Variants in KHDRBS2 observed in about 807,000 individuals in gnomAD.
The protein encoded by KHDRBS2 is KH RNA binding domain containing, signal transduction associated 2.
A neutral mutation model predicts 44.3 loss-of-function variants in KHDRBS2; 26 were observed. The observed-to-expected ratio is 0.59, with a 90% CI of 0.43 to 0.81. The LOEUF (loss-of-function observed/expected upper bound fraction) is 0.81. KHDRBS2 is among the 40% of genes least tolerant of loss of function. KHDRBS2 has a pLI of 0.00. For synonymous variants in KHDRBS2, 194 were observed against 151.1 expected (o/e 1.28, Z -2.08); for missense variants, 476 against 433.1 (o/e 1.10, Z -0.88).
chr6:61,657,154 C>T, the KHDRBS2 span, among the ~76,000 whole-genome samples: 1 of 151,948 alleles, frequency 6.6e-6, no homozygotes, highest in East Asian at 1.9e-4. Context: ...TGTCCCTTTC[C>T]TGATACCAAA....
intron 3 of KHDRBS2, among the ~76,000 whole-genome samples, chr6:61,990,679 C>A (rs1775961044): frequency 6.6e-6 from 1 of 151,578 alleles, no homozygotes; most frequent in Non-Finnish European, 1.5e-5. Flanking sequence ...TTTTGTACTT[C>A]AGAAACAGTA....
chr6:61,645,064 C>G, the KHDRBS2 span, among the ~76,000 whole-genome samples: 1 of 152,062 alleles, frequency 6.6e-6, no homozygotes, highest in Non-Finnish European at 1.5e-5. Context: ...TGGAATCAAC[C>G]TAAATGCCCA....
chr6:61,769,156 T>G (rs1011111676), intron 6 of KHDRBS2, among the ~76,000 whole-genome samples: 2 of 152,180 alleles, frequency 1.3e-5, no homozygotes, highest in Non-Finnish European at 2.9e-5. Context: ...AAAATATTTA[T>G]GATTAAAAAA....
chr6:61,890,318 A>T (rs1801624424), intron 6 of KHDRBS2, among the ~76,000 whole-genome samples: 1 of 152,194 alleles, frequency 6.6e-6, no homozygotes, highest in African/African-American at 2.4e-5. Flanking sequence ...ATCTTTTCTA[A>T]GGAACATACT....
At chr6:61,746,977 C>T (rs181624168) in intron 6 of KHDRBS2, among the ~76,000 whole-genome samples, 1 of 151,242 alleles carries the variant, frequency 6.6e-6, no homozygotes, top group Admixed American at 6.6e-5. Context: ...GCAATCTACC[C>T]ATCTGACAAA....
At chr6:61,958,255 C>A (rs1233607939) in intron 4 of KHDRBS2, among the ~76,000 whole-genome samples, 1 of 152,128 alleles carries the variant, frequency 6.6e-6, no homozygotes, top group African/African-American at 2.4e-5. Context: ...AGCCTGGCTT[C>A]TTTGCAGTCC....
At chr6:62,049,007 C>T (rs1430281650) in intron 2 of KHDRBS2, among the ~76,000 whole-genome samples, 1 of 151,170 alleles carries the variant, frequency 6.6e-6, no homozygotes, top group African/African-American at 2.4e-5. Flanking sequence ...TTCTTTCTGC[C>T]ATAATCCCTC....
intron 2 of KHDRBS2, among the ~76,000 whole-genome samples, chr6:62,093,125 A>G (rs116060391): frequency 1.3e-5 from 2 of 151,972 alleles, no homozygotes; most frequent in Admixed American, 1.3e-4. Context: ...TTAATTAGGC[A>G]TAAACTCATT....
intron 6 of KHDRBS2, among the ~76,000 whole-genome samples, chr6:61,785,231 G>A (rs1169736078): frequency 6.6e-6 from 1 of 151,676 alleles, no homozygotes; most frequent in Non-Finnish European, 1.5e-5. Flanking sequence ...GTGCAAACAT[G>A]CTACTCAGAA....
At chr6:62,261,635 T>G (rs368625080) in intron 1 of KHDRBS2, among the ~76,000 whole-genome samples, 1 of 151,840 alleles carries the variant, frequency 6.6e-6, no homozygotes, top group Non-Finnish European at 1.5e-5. Context: ...GTAATGTCTT[T>G]TGTTACCATT....
intron 2 of KHDRBS2, among the ~76,000 whole-genome samples, chr6:62,130,686 T>C (rs150667115): frequency 1.3e-5 from 2 of 152,148 alleles, no homozygotes; most frequent in South Asian, 2.1e-4. Flanking sequence ...AAATATTAAG[T>C]AGAAAGTGTT....
At chr6:62,118,004 TACC>T (rs2150080140) in intron 2 of KHDRBS2, among the ~76,000 whole-genome samples, 1 of 152,196 alleles carries the variant, frequency 6.6e-6, no homozygotes, top group Non-Finnish European at 1.5e-5. Flanking sequence ...TTGAACTCCT[TACC>T]ACAAGTGATC....
At chr6:61,864,774 G>T (rs935962097) in intron 6 of KHDRBS2, among the ~76,000 whole-genome samples, 2 of 152,032 alleles carry the variant, frequency 1.3e-5, no homozygotes, top group African/African-American at 4.8e-5. Flanking sequence ...ATCCTACTGG[G>T]GTTCTCTGCA....
chr6:61,955,214 ATATGTGTATATATACACATACGTATG>A (rs1219049964), intron 4 of KHDRBS2, among the ~76,000 whole-genome samples: 2 of 145,292 alleles, frequency 1.4e-5, no homozygotes, highest in African/African-American at 5.0e-5. Flanking sequence ...ATATGTATAC[ATATGTGTATATATACACATACGTATG>A]TATGTATACA....
chr6:61,597,370 T>C, the KHDRBS2 span, among the ~76,000 whole-genome samples: 31 of 152,176 alleles, frequency 2.0e-4, no homozygotes, highest in East Asian at 5.5e-3. Flanking sequence ...AGCCCATTAA[T>C]GAATAAAGCT....
chr6:61,996,416 G>A (rs945712869), intron 3 of KHDRBS2, among the ~76,000 whole-genome samples: 1 of 152,222 alleles, frequency 6.6e-6, no homozygotes, highest in East Asian at 1.9e-4. Context: ...ATCCAATTTA[G>A]TTAATATCAT....
At chr6:61,891,896 G>C (rs1269067738) in intron 6 of KHDRBS2, among the ~76,000 whole-genome samples, 1 of 152,060 alleles carries the variant, frequency 6.6e-6, no homozygotes, top group African/African-American at 2.4e-5. Context: ...GGAAGTTCTG[G>C]CCAGGGCAGT....
chr6:61,561,618 T>C, the KHDRBS2 span, among the ~76,000 whole-genome samples: 10 of 152,234 alleles, frequency 6.6e-5, no homozygotes, highest in South Asian at 2.1e-3. Flanking sequence ...CTTCTCCCCA[T>C]GGTCACCCCC....
intron 4 of KHDRBS2, among the ~76,000 whole-genome samples, chr6:61,927,281 A>G (rs1388551909): frequency 6.6e-6 from 1 of 152,148 alleles, no homozygotes; most frequent in East Asian, 1.9e-4. Flanking sequence ...TTTTCAAAAA[A>G]CATATGGTAT....
Sources: allele counts gnomAD v4.1 joint callset (sites outside exome capture counted in the v4.1 genomes callset), GRCh38; gene constraint gnomAD v4.1.1; transcripts MANE v1.5; gene names NCBI Gene and HGNC (gene_info 2026-07-23, HGNC 2026-07-21).